HS2ST1: variants seen among roughly 807,000 people sequenced by gnomAD.
HS2ST1 encodes 2-O-sulfotransferase.
A neutral mutation model predicts 42.9 loss-of-function variants in HS2ST1; 18 were observed. The observed-to-expected ratio is 0.42, with a 90% CI of 0.29 to 0.62. The LOEUF is 0.62. Ranked by LOEUF, HS2ST1 falls within the 20% of genes least tolerant of loss-of-function variation. HS2ST1 has a pLI of 0.21. For synonymous variants in HS2ST1, 146 were observed against 152.9 expected (o/e 0.95, Z 0.33); for missense variants, 334 against 433.8 (o/e 0.77, Z 2.04).
intron 1 of HS2ST1, among the ~76,000 whole-genome samples, chr1:87,069,097 G>GTCTTCAC (rs1267627516): frequency 1.3e-5 from 2 of 152,190 alleles, no homozygotes; most frequent in African/African-American, 4.8e-5. Flanking sequence ...TGAGGAGGAA[G>GTCTTCAC]AGGTGGGCCT....
chr1:87,037,005 G>T (rs930587635), intron 1 of HS2ST1, among the ~76,000 whole-genome samples: 1 of 151,986 alleles, frequency 6.6e-6, no homozygotes. Context: ...TTAAACCTTA[G>T]GTAATAAAGT....
intron 1 of HS2ST1, among the ~76,000 whole-genome samples, chr1:86,979,603 C>T (rs1051095959): frequency 6.6e-6 from 1 of 152,190 alleles, no homozygotes; most frequent in Admixed American, 6.5e-5. Flanking sequence ...ATCCATTCAT[C>T]TATTCACGGA....
intron 1 of HS2ST1, chr1:87,045,632 T>A (rs1570508874): frequency 2.6e-6 from 2 of 776,302 alleles, no homozygotes; most frequent in African/African-American, 3.4e-5. Context: ...TTTTTCCTGA[T>A]AAGATCTTCA....
intron 1 of HS2ST1, among the ~76,000 whole-genome samples, chr1:87,044,117 C>A (rs568178005): frequency 2.6e-5 from 4 of 151,898 alleles, no homozygotes; most frequent in Admixed American, 1.3e-4. Context: ...TTTTGAAATG[C>A]GGCATTATTT....
chr1:87,034,578 T>G (rs373058952), intron 1 of HS2ST1, among the ~76,000 whole-genome samples: 2 of 152,218 alleles, frequency 1.3e-5, no homozygotes, highest in South Asian at 2.1e-4. Flanking sequence ...GCTAGTACAA[T>G]GAGCTCTAGG....
At chr1:86,957,361 A>C (rs959043649) in intron 1 of HS2ST1, among the ~76,000 whole-genome samples, 1 of 152,228 alleles carries the variant, frequency 6.6e-6, no homozygotes, top group Non-Finnish European at 1.5e-5. Flanking sequence ...CATGTTTAGC[A>C]AGTGATGGAA....
chr1:86,972,227 A>G (rs12025384), intron 1 of HS2ST1, among the ~76,000 whole-genome samples: 112,011 of 152,122 alleles, frequency 0.74, 42,236 homozygotes, highest in East Asian at 0.97. Context: ...CACTTTCTCT[A>G]GTTTCAGTTA....
At chr1:87,048,175 A>G (rs956851031) in intron 1 of HS2ST1, among the ~76,000 whole-genome samples, 2 of 152,092 alleles carry the variant, frequency 1.3e-5, no homozygotes, top group African/African-American at 4.8e-5. Flanking sequence ...GCTATTTTAC[A>G]TGGTATTTTT....
intron 1 of HS2ST1, among the ~76,000 whole-genome samples, chr1:86,941,066 T>A (rs1660749579): frequency 6.6e-6 from 1 of 152,214 alleles, no homozygotes; most frequent in African/African-American, 2.4e-5. Context: ...ACATCTGTAA[T>A]ATGCTGTAGA....
At chr1:86,998,704 T>C (rs1255499476) in intron 1 of HS2ST1, among the ~76,000 whole-genome samples, 1 of 152,218 alleles carries the variant, frequency 6.6e-6, no homozygotes, top group Non-Finnish European at 1.5e-5. Flanking sequence ...TTTATCTTAC[T>C]TTTGCTGTGT....
chr1:87,034,225 GACAA>G (rs922305551), intron 1 of HS2ST1, among the ~76,000 whole-genome samples: 17 of 152,070 alleles, frequency 1.1e-4, no homozygotes, highest in African/African-American at 3.9e-4. Context: ...ATTATTTCAT[GACAA>G]ACAAAAATGT....
At chr1:86,974,802 T>G (rs1376619934) in intron 1 of HS2ST1, among the ~76,000 whole-genome samples, 1 of 152,220 alleles carries the variant, frequency 6.6e-6, no homozygotes, top group African/African-American at 2.4e-5. Context: ...TGTTTTCATT[T>G]AGTAGTCATC....
intron 1 of HS2ST1, among the ~76,000 whole-genome samples, chr1:87,021,140 C>T (rs1649937340): frequency 6.6e-6 from 1 of 152,122 alleles, no homozygotes; most frequent in Non-Finnish European, 1.5e-5. Flanking sequence ...AAATCATGTT[C>T]TTCCATTACA....
chr1:87,045,380 A>G, intron 1 of HS2ST1: 3 of 1,453,608 alleles, frequency 2.1e-6, no homozygotes, highest in Non-Finnish European at 1.9e-6. Flanking sequence ...TTCAGAAGAT[A>G]TTAGGATTGT....
intron 1 of HS2ST1, among the ~76,000 whole-genome samples, chr1:86,969,585 T>A (rs1275825530): frequency 6.6e-6 from 1 of 152,180 alleles, no homozygotes; most frequent in African/African-American, 2.4e-5. Flanking sequence ...CTTAGAATTA[T>A]GATCATATGA....
chr1:86,925,670 A>G (rs567215068), intron 1 of HS2ST1, among the ~76,000 whole-genome samples: 3 of 152,220 alleles, frequency 2.0e-5, no homozygotes, highest in East Asian at 3.9e-4. Context: ...ACTTGCCCCC[A>G]TGATTCAATT....
intron 1 of HS2ST1, among the ~76,000 whole-genome samples, chr1:86,972,605 A>T (rs1025679191): frequency 6.6e-6 from 1 of 152,190 alleles, no homozygotes; most frequent in African/African-American, 2.4e-5. Flanking sequence ...CTTAGTACAT[A>T]TGTAGTGTTC....
In HS2ST1 at chr1:87,109,933, C is replaced by T. The variant is rs1208538374; in HGVS notation, c.*5237C>T. On this transcript the variant is annotated 3_prime_UTR_variant, in exon 7 of 7. Transcript: ENST00000370550. ...TTACCAAGCTGATGTGCCGTTCTCA[C>T]CCTGCAGAATACTGGTTTTGTCATT... 2.0e-5 allele frequency: 3 copies of T among 152,070 alleles called. No homozygotes were observed. The highest frequency in any genetic ancestry group is 4.4e-5 in the Non-Finnish European group (3 of 67,990). The allele number at this position is 152,070 out of a possible 1,614,324, so 9.4% of individuals were successfully genotyped here.
chr1:87,084,602 C>T (rs1429398977), intron 3 of HS2ST1, among the ~76,000 whole-genome samples: 1 of 152,066 alleles, frequency 6.6e-6, no homozygotes. Flanking sequence ...TATGACTTAC[C>T]ACATCATTGA....
Sources: gnomAD v4.1 joint callset for allele counts (sites outside exome capture counted in the v4.1 genomes callset) on GRCh38, gnomAD v4.1.1 for gene constraint, MANE v1.5 for transcripts, NCBI Gene and HGNC (gene_info 2026-07-23, HGNC 2026-07-21) for gene names.